SELP: variants seen among roughly 807,000 people sequenced by gnomAD.
The protein encoded by SELP is P-selectin.
SELP carries 92 observed loss-of-function variants against 104.1 expected under a neutral mutation model. The ratio of observed to expected loss-of-function variants is 0.88; its 90% confidence interval spans 0.75 to 1.05. The LOEUF (loss-of-function observed/expected upper bound fraction) is 1.05. Ranked by LOEUF, SELP falls within the 50% of genes least tolerant of loss-of-function variation. The probability of loss-of-function intolerance (pLI) is 0.00; values close to 1 mark genes in which losing one functional copy is unlikely to be tolerated. For synonymous variants in SELP, 397 were observed against 364.5 expected (o/e 1.09, Z -1.01); for missense variants, 1,022 against 1,017.3 (o/e 1.00, Z -0.06).
Position 169,590,153 on chromosome 1 carries a change from G to A in SELP, c.2488C>T (p.Pro830Ser), listed in dbSNP as rs1661277734. ...ATCTTTATAGGGATCTTACCTTAAG[G>A]ACTCGGGTCAAATGCAGCGTTTGTA... ...VFTNAAFDPS[P>S] Residue 830 changes from proline to serine, a missense_variant, in exon 16 of 17, where the codon CCT (proline) becomes TCT (serine). Coordinates refer to ENST00000263686, the MANE Select transcript of SELP (RefSeq NM_003005.4). 6.2e-7 allele frequency: 1 copy of A among 1,609,870 alleles called. No individual in the cohort carries two copies. The highest frequency in any genetic ancestry group is 8.5e-7 in the Non-Finnish European group (1 of 1,176,262).
rs773376984 is a variant in SELP, at chr1:169,611,654, C to CTT, written c.983_984dup (p.Ala329LysfsTer33). 5.6e-4 allele frequency: 896 copies of CTT among 1,614,020 alleles called. No homozygotes were observed. Among genetic ancestry groups the CTT allele is most frequent in the Non-Finnish European group, 6.8e-4 (804 of 1,179,982 alleles). On this transcript the variant is annotated frameshift_variant, in exon 7 of 17. Transcript: ENST00000263686. LOFTEE classifies it high-confidence loss of function. ...CAGTCCATGGTTCCTTCACTGGGGG[C>CTT]TTCCAGGTGCTGACACTGCACAGCT...
intron 9 of SELP, among the ~76,000 whole-genome samples, chr1:169,603,463 C>T (rs548651701): frequency 1.3e-5 from 2 of 152,206 alleles, no homozygotes; most frequent in Admixed American, 1.3e-4. Flanking sequence ...AGTTGATTGA[C>T]ATCCTGAAGT....
At chr1:169,628,471 G>A (rs1481839867) in intron 1 of SELP, among the ~76,000 whole-genome samples, 1 of 152,174 alleles carries the variant, frequency 6.6e-6, no homozygotes, top group Admixed American at 6.5e-5. Flanking sequence ...CCAGGGCTGG[G>A]GCCTTAGCAC....
At chr1:169,621,197 A>T (rs1406395720) in intron 1 of SELP, among the ~76,000 whole-genome samples, 1 of 127,492 alleles carries the variant, frequency 7.8e-6, no homozygotes, top group Non-Finnish European at 1.6e-5. Flanking sequence ...TGCCCCAGTG[A>T]TGGATGATGT....
chr1:169,594,686 T>C lies in SELP; in HGVS notation c.2287+6A>G, dbSNP rs1257708383. ...AGTGACTTCTTAACCCACATGAAAA[T>C]TGTACCTTGGCAGGTTGGCACGGTA... On this transcript the variant is annotated splice_donor_region_variant and intron_variant, in intron 13 of 16. Transcript: ENST00000263686. 2 of 1,611,404 alleles carry C rather than the reference T, an allele frequency of 1.2e-6. No individual in the cohort carries two copies. The highest frequency in any genetic ancestry group is 1.1e-5 in the South Asian group (1 of 90,804).
intron 9 of SELP, among the ~76,000 whole-genome samples, chr1:169,605,499 T>G (rs1362439023): frequency 6.6e-6 from 1 of 151,200 alleles, no homozygotes; most frequent in Non-Finnish European, 1.5e-5. Flanking sequence ...GGGGTGTGTG[T>G]GTGTGTATGT....
chr1:169,626,963 AG>A (rs1302742236), intron 1 of SELP, among the ~76,000 whole-genome samples: 3 of 151,916 alleles, frequency 2.0e-5, no homozygotes, highest in Non-Finnish European at 2.9e-5. Flanking sequence ...CTGATATTAT[AG>A]GGGTGAGAGT....
At chr1:169,606,834 G>A (rs1662227850) in intron 9 of SELP, 115 bp downstream of exon 9, 1 of 942,656 alleles carries the variant, frequency 1.1e-6, no homozygotes, top group Non-Finnish European at 1.6e-6. Context: ...GAGTATTTAT[G>A]AATTTTCCAG....
chr1:169,612,503 G>T, intron 5 of SELP, 101 bp from the exon 6 acceptor site: 2 of 1,134,638 alleles, frequency 1.8e-6, no homozygotes, highest in Non-Finnish European at 2.6e-6. Flanking sequence ...TCCCAAAGTG[G>T]CAGGCAGGTT....
chr1:169,603,647 T>C (rs1662036442), intron 9 of SELP, among the ~76,000 whole-genome samples: 1 of 152,084 alleles, frequency 6.6e-6, no homozygotes, highest in South Asian at 2.1e-4. Context: ...TGACAAATGA[T>C]TGGAAACACA....
intron 1 of SELP, among the ~76,000 whole-genome samples, chr1:169,621,428 T>TTG (rs57079522): frequency 0.029 from 3,846 of 130,674 alleles, 72 homozygotes; most frequent in South Asian, 0.054. Context: ...CAGTGTGAGG[T>TTG]TGTGTGTGTG....
chr1:169,617,740 A>G (rs932181269), intron 2 of SELP, among the ~76,000 whole-genome samples: 1 of 152,250 alleles, frequency 6.6e-6, no homozygotes, highest in Non-Finnish European at 1.5e-5. Context: ...AGAAGGAGAC[A>G]TAAGTAATTT....
At chr1:169,612,103 A>T in intron 6 of SELP, 114 bp downstream of exon 6, 1 of 1,011,138 alleles carries the variant, frequency 9.9e-7, no homozygotes, top group African/African-American at 1.6e-5. Flanking sequence ...GTAGGAAGAG[A>T]ATTAAATTTT....
intron 2 of SELP, among the ~76,000 whole-genome samples, chr1:169,617,996 CCCAGGTGGACTCTGTGTT>C (rs551697003): frequency 6.9e-4 from 105 of 152,300 alleles, no homozygotes; most frequent in African/African-American, 1.2e-3. Context: ...CCATGGCTTT[CCCAGGTGGACTCTGTGTT>C]CCTTCCTCCA....
intron 15 of SELP, 115 bp from the exon 16 acceptor site, chr1:169,590,317 T>C (rs1661292654): frequency 2.6e-6 from 2 of 758,118 alleles, no homozygotes; most frequent in African/African-American, 1.8e-5. Context: ...GGAATTCTGC[T>C]TTAGAAAGGA....
chr1:169,617,164 C>T lies in SELP; in HGVS notation c.345G>A (p.Glu115=). ...GTKKALTNEA[E]NWADNEPNNK... ...TGTTAGGTTCATTATCAGCCCAGTT[C>T]TCAGCCTCGTTGGTGAGAGCCTTTT... The change falls in exon 3 of 17, where the codon GAG becomes GAA. Residue 115 remains glutamate (E), a synonymous_variant. Transcript: ENST00000263686. The T allele has an allele frequency of 6.2e-7, 1 of 1,614,114 alleles. No homozygotes were observed. Among genetic ancestry groups the T allele is most frequent in the Non-Finnish European group, 8.5e-7 (1 of 1,180,026 alleles).
At chr1:169,624,548 G>A (rs572109524) in intron 1 of SELP, among the ~76,000 whole-genome samples, 482 of 152,242 alleles carry the variant, frequency 3.2e-3, no homozygotes, top group Admixed American at 6.5e-3. Context: ...TCAGGAGTTC[G>A]AGAACAGCCT....
At chr1:169,613,740 A>G (rs763577705) in intron 3 of SELP, 47 bp from the exon 4 acceptor site, 2 of 1,519,396 alleles carry the variant, frequency 1.3e-6, no homozygotes, top group South Asian at 2.2e-5. Context: ...CACAGATGTG[A>G]GGAAAGGCTG....
intron 9 of SELP, among the ~76,000 whole-genome samples, chr1:169,605,489 G>GTGT (rs1662138635): frequency 6.6e-6 from 1 of 150,994 alleles, no homozygotes; most frequent in Non-Finnish European, 1.5e-5. Flanking sequence ...GTGTGTGTGG[G>GTGT]GGGTGTGTGT....
Sources: allele counts gnomAD v4.1 joint callset (sites outside exome capture counted in the v4.1 genomes callset), GRCh38; gene constraint gnomAD v4.1.1; transcripts MANE v1.5; gene names NCBI Gene and HGNC (gene_info 2026-07-23, HGNC 2026-07-21).